SLC14A2: variants seen among roughly 807,000 people sequenced by gnomAD.
SLC14A2 encodes urea transporter 2.
Under a neutral mutation model 104.6 loss-of-function variants are expected in SLC14A2, and 91 were observed. The ratio of observed to expected loss-of-function variants is 0.87; its 90% CI spans 0.73 to 1.04. The LOEUF (loss-of-function observed/expected upper bound fraction) is 1.04, where lower values mean the gene tolerates loss of function less well. SLC14A2 is among the 50% of genes least tolerant of loss of function. The pLI, the probability that SLC14A2 is intolerant of heterozygous loss-of-function variation, is 0.00. For missense variants in SLC14A2, 1,189 were observed against 1,156.0 expected, an observed-to-expected ratio of 1.03 and a Z score of -0.41; for synonymous variants, 476 against 466.4, an observed-to-expected ratio of 1.02 and a Z score of -0.27.
At chr18:45,268,327 A>G (rs1028555445) in intron 1 of SLC14A2, among the ~76,000 whole-genome samples, 2 of 152,242 alleles carry the variant, frequency 1.3e-5, no homozygotes, top group Admixed American at 1.3e-4. Context: ...AAGTAGAAGA[A>G]AGACCACAAG....
intron 1 of SLC14A2, among the ~76,000 whole-genome samples, chr18:45,427,122 C>T (rs2086444899): frequency 6.6e-6 from 1 of 152,142 alleles, no homozygotes; most frequent in Non-Finnish European, 1.5e-5. Context: ...AAATGGACAC[C>T]TCACCCCCTT....
chr18:45,340,753 C>A (rs948545125), intron 1 of SLC14A2, among the ~76,000 whole-genome samples: 1 of 152,106 alleles, frequency 6.6e-6, no homozygotes, highest in Non-Finnish European at 1.5e-5. Flanking sequence ...GAAAGGGGAT[C>A]CTGTAGTATG....
At chr18:45,525,064 C>T (rs927593077) in intron 2 of SLC14A2, among the ~76,000 whole-genome samples, 12 of 152,088 alleles carry the variant, frequency 7.9e-5, no homozygotes, top group African/African-American at 2.7e-4. Flanking sequence ...CAATCTTATG[C>T]CTTCCAGATA....
At chr18:45,416,638 G>A (rs1048122745) in intron 1 of SLC14A2, among the ~76,000 whole-genome samples, 1 of 152,064 alleles carries the variant, frequency 6.6e-6, no homozygotes, top group Admixed American at 6.6e-5. Flanking sequence ...CTATTATTGG[G>A]AAGGCTTAAT....
intron 1 of SLC14A2, among the ~76,000 whole-genome samples, chr18:45,620,935 GA>G (rs886085554): frequency 5.3e-5 from 8 of 152,062 alleles, no homozygotes; most frequent in African/African-American, 1.4e-4. Flanking sequence ...ATATGTTTAG[GA>G]AAAACCTTTA....
intron 1 of SLC14A2, among the ~76,000 whole-genome samples, chr18:45,361,836 A>C (rs562836485): frequency 2.8e-4 from 43 of 152,336 alleles, no homozygotes; most frequent in African/African-American, 1.0e-3. Flanking sequence ...CACTGGGTTA[A>C]AACAAAGTTT....
intron 1 of SLC14A2, among the ~76,000 whole-genome samples, chr18:45,317,850 G>C (rs1056284354): frequency 4.1e-4 from 62 of 152,122 alleles, no homozygotes; most frequent in African/African-American, 1.5e-3. Flanking sequence ...TCTGAGCTCA[G>C]CCTCTTGCTT....
chr18:45,649,899 C>T lies in SLC14A2; in HGVS notation c.1351+5739C>T, dbSNP rs142297274. ...AGTTGTCCTTTCTGTCTTCGGAGTT[C>T]GGGAATTTTATGAAGCTAAGCCCAG... is the stretch of plus-strand genomic sequence containing the variant. On this transcript the variant is annotated intron_variant, in intron 10 of 19. Transcript: ENST00000255226. Among the ~76,000 whole-genome samples the T allele has an allele frequency of 5.1e-3, 775 of 152,344 alleles. 2 individuals are homozygous for T. The highest frequency in any genetic ancestry group is 0.017 in the African/African-American group (711 of 41,582).
At chr18:45,454,741 T>A (rs533119540) in intron 1 of SLC14A2, among the ~76,000 whole-genome samples, 37 of 152,308 alleles carry the variant, frequency 2.4e-4, no homozygotes, top group South Asian at 1.0e-3. Flanking sequence ...GTTTTCCCAA[T>A]GCCATTTATT....
intron 2 of SLC14A2, among the ~76,000 whole-genome samples, chr18:45,519,569 G>A (rs1313969212): frequency 6.6e-6 from 1 of 152,156 alleles, no homozygotes; most frequent in African/African-American, 2.4e-5. Context: ...ATAATTTACT[G>A]TTAGCTGCTA....
intron 13 of SLC14A2, among the ~76,000 whole-genome samples, 180 bp from the exon 14 acceptor site, chr18:45,667,653 C>T (rs1158080140): frequency 6.6e-6 from 1 of 152,166 alleles, no homozygotes; most frequent in Non-Finnish European, 1.5e-5. Context: ...CAAGAGTTTT[C>T]TTGGCAGTCA....
intron 1 of SLC14A2, among the ~76,000 whole-genome samples, chr18:45,332,479 G>A (rs946450922): frequency 3.9e-5 from 6 of 152,084 alleles, no homozygotes; most frequent in Non-Finnish European, 7.4e-5. Context: ...TTTGGTATCC[G>A]TGGGAGGTCT....
At chr18:45,241,617 ATTTTC>A (rs1289776002) in intron 1 of SLC14A2, among the ~76,000 whole-genome samples, 9 of 117,754 alleles carry the variant, frequency 7.6e-5, no homozygotes, top group African/African-American at 2.2e-4. Context: ...GACTTATTTG[ATTTTC>A]TTTTCTTTTC....
At chr18:45,627,958 G>A (rs571776954) in intron 4 of SLC14A2, among the ~76,000 whole-genome samples, 10 of 146,570 alleles carry the variant, frequency 6.8e-5, no homozygotes, top group South Asian at 4.3e-4. Context: ...AGCCAAGATC[G>A]TGCCACTGCA....
Position 45,560,717 on chromosome 18 carries a change from G to T in SLC14A2, c.-34-63914G>T, listed in dbSNP as rs567346953. Among the ~76,000 whole-genome samples the T allele has an allele frequency of 3.3e-5, 5 of 152,278 alleles. No individual in the cohort carries two copies. The South Asian group carries it at 1.0e-3, about 32-fold the overall frequency. On this transcript the variant is annotated intron_variant, in intron 2 of 20. Transcript: ENST00000586448. ...AGTTAGCCTTGATCTTCTCTGAAAT[G>T]AAAATAAAATTCAGCCCCTTCCCCA...
intron 2 of SLC14A2, among the ~76,000 whole-genome samples, chr18:45,549,575 G>A (rs1288658866): frequency 6.6e-6 from 1 of 152,212 alleles, no homozygotes; most frequent in Non-Finnish European, 1.5e-5. Context: ...TGGAGTGCAG[G>A]TAATTTATTA....
At chr18:45,312,559 TGGG>T (rs1193216941) in intron 1 of SLC14A2, among the ~76,000 whole-genome samples, 1 of 151,846 alleles carries the variant, frequency 6.6e-6, no homozygotes, top group Non-Finnish European at 1.5e-5. Flanking sequence ...ATGAAGCAAA[TGGG>T]GGGAAAATGT....
At chr18:45,512,320 A>C (rs76886864) in intron 2 of SLC14A2, among the ~76,000 whole-genome samples, 125 of 152,162 alleles carry the variant, frequency 8.2e-4, no homozygotes, top group African/African-American at 3.0e-3. Context: ...GCATGGAAGG[A>C]GTGGAGAAAA....
At chr18:45,360,205 G>A in intron 1 of SLC14A2, among the ~76,000 whole-genome samples, 1 of 152,196 alleles carries the variant, frequency 6.6e-6, no homozygotes. Context: ...GCCCCACAAA[G>A]ATGTTTCCCT....
Sources: gnomAD v4.1 joint callset for allele counts (sites outside exome capture counted in the v4.1 genomes callset) on GRCh38, gnomAD v4.1.1 for gene constraint, MANE v1.5 for transcripts, NCBI Gene and HGNC (gene_info 2026-07-23, HGNC 2026-07-21) for gene names.